The following POLB variants were observed in gnomAD, a reference collection of about 807,000 sequenced individuals.
The protein encoded by POLB is DNA polymerase beta.
POLB carries 37 observed loss-of-function variants against 52.7 expected under a neutral mutation model. The observed-to-expected ratio is 0.70, with a 90% CI of 0.54 to 0.92. POLB has a LOEUF of 0.92. Ranked by LOEUF, POLB falls within the 40% of genes least tolerant of loss-of-function variation. POLB has a pLI of 0.00. For synonymous variants in POLB, 138 were observed against 131.3 expected, an observed-to-expected ratio of 1.05 and a Z score of -0.35; for missense variants, 313 against 400.8, an observed-to-expected ratio of 0.78 and a Z score of 1.87.
chr8:42,362,726 T>A, intron 11 of POLB, 28 bp downstream of exon 11: 2 of 1,291,508 alleles, frequency 1.5e-6, no homozygotes, highest in Middle Eastern at 1.9e-4. Context: ...TTAGCACATC[T>A]AAAAAAAAAC....
At chr8:42,338,835 G>A in intron 1 of POLB, 150 bp downstream of exon 1, 2 of 990,168 alleles carry the variant, frequency 2.0e-6, no homozygotes, top group East Asian at 2.6e-5. Context: ...GGCGCCCCTG[G>A]CTGGTTGTCA....
intron 7 of POLB, among the ~76,000 whole-genome samples, chr8:42,355,926 G>A (rs1200133327): frequency 6.6e-6 from 1 of 152,136 alleles, no homozygotes; most frequent in African/African-American, 2.4e-5. Flanking sequence ...GAGGTTGAGT[G>A]TAGCTTTTAA....
intron 11 of POLB, among the ~76,000 whole-genome samples, chr8:42,365,811 G>A (rs1364803332): frequency 6.6e-6 from 1 of 152,102 alleles, no homozygotes; most frequent in African/African-American, 2.4e-5. Flanking sequence ...AGAATACAAG[G>A]TAAAAGGGCC....
rs149625213 is a variant in POLB at position 42,340,375 on chromosome 8, G to A, written c.119+1306G>A. 1.8e-4 allele frequency among the ~76,000 whole-genome samples: 27 copies of A among 152,264 alleles called. No homozygotes were observed. In the East Asian group the frequency reaches 4.0e-3, roughly 23 times the overall value. On this transcript the variant is annotated intron_variant, in intron 2 of 13. Transcript: ENST00000265421. ...GTTTCATGCACAAAATTATTAAAAC[G>A]ACTATATAAGATTACCTTCAGGGTA...
intron 6 of POLB, among the ~76,000 whole-genome samples, chr8:42,353,448 A>G (rs1267797388): frequency 2.0e-5 from 3 of 152,160 alleles, no homozygotes; most frequent in Non-Finnish European, 4.4e-5. Flanking sequence ...ATAAAATCTT[A>G]GATTAAAAGC....
chr8:42,354,653 C>T (rs1823188338), intron 6 of POLB: 2 of 387,398 alleles, frequency 5.2e-6, no homozygotes, highest in Non-Finnish European at 1.0e-5. Flanking sequence ...AAGTGATTCT[C>T]CTGCCTCAGC....
chr8:42,350,152 C>A, intron 5 of POLB, 87 bp downstream of exon 5: 1 of 877,472 alleles, frequency 1.1e-6, no homozygotes, highest in Non-Finnish European at 2.0e-6. Flanking sequence ...TTTCTCAAAA[C>A]CTGTACTTCA....
Position 42,338,662 on chromosome 8 carries a change from G to A in POLB, c.38G>A (p.Gly13Glu), listed in dbSNP as rs780407939. 2.5e-6 allele frequency: 4 copies of A among 1,614,194 alleles called. No homozygotes were observed. The South Asian group carries it at 4.4e-5, about 18-fold the overall frequency. ...KRKAPQETLN[G>E]GITDMLTELA... ...AAGGCGCCGCAGGAGACTCTCAACG[G>A]GGGAATCACCGACATGCTCACAGGT... The change falls in exon 1 of 14, where the codon GGG (glycine) becomes GAG (glutamate). Residue 13 changes from glycine to glutamate, a missense_variant. Transcript: ENST00000265421.
chr8:42,355,027 T>TG (rs1287100427), intron 6 of POLB, among the ~76,000 whole-genome samples: 1 of 151,948 alleles, frequency 6.6e-6, no homozygotes, highest in Non-Finnish European at 1.5e-5. Context: ...GGTGTGATTC[T>TG]GTTTTTTTTT....
rs574263385 is a variant in POLB at position 42,352,872 on chromosome 8, C to T, written c.370+304C>T. ...GGTGGATCACTTGAGGTCAGGGGTTCGAGACCAGTCTGGCCAACATGGTGA... is the reference window on the plus strand; with the variant it reads ...GGTGGATCACTTGAGGTCAGGGGTTTGAGACCAGTCTGGCCAACATGGTGA... On this transcript the variant is annotated intron_variant, in intron 6 of 13. Transcript: ENST00000265421. Among the ~76,000 whole-genome samples, 7 of 152,062 alleles carry T rather than the reference C, an allele frequency of 4.6e-5. 1 individual carries two copies. Among genetic ancestry groups the T allele is most frequent in the South Asian group, 4.1e-4 (2 of 4,824 alleles).
At chr8:42,365,049 T>C (rs887487590) in intron 11 of POLB, among the ~76,000 whole-genome samples, 7 of 151,756 alleles carry the variant, frequency 4.6e-5, no homozygotes, top group Admixed American at 6.6e-5. Context: ...ATCGCACTAC[T>C]GCACTCCAGC....
rs775041792 is a variant in POLB, at chr8:42,338,612, G to A, written c.-13G>A. The A allele has an allele frequency of 6.2e-7, 1 of 1,613,414 alleles. No individual in the cohort carries two copies. Among genetic ancestry groups the A allele is most frequent in the African/African-American group, 1.3e-5 (1 of 74,938 alleles). On this transcript the variant is annotated 5_prime_UTR_variant, in exon 1 of 14. Coordinates refer to ENST00000265421, the MANE Select transcript of POLB (RefSeq NM_002690.3). ...GGTTCTGAACACTCTGGGGTTCTCGGGTGCAGGCCGCCATGAGCAAACGGA... is the reference window on the plus strand; with the variant it reads ...GGTTCTGAACACTCTGGGGTTCTCGAGTGCAGGCCGCCATGAGCAAACGGA...
At chr8:42,361,077 A>G (rs780283299) in intron 9 of POLB, 20 of 682,158 alleles carry the variant, frequency 2.9e-5, no homozygotes, top group South Asian at 2.0e-4. Flanking sequence ...TCTAATGCCA[A>G]TTACTGTTGT....
At chr8:42,363,415 C>T (rs186779270) in intron 11 of POLB, among the ~76,000 whole-genome samples, 24 of 149,294 alleles carry the variant, frequency 1.6e-4, no homozygotes, top group Admixed American at 1.6e-3. Context: ...GTAGTCCCAG[C>T]TTTTCGGGAG....
At chr8:42,342,011 T>C in intron 2 of POLB, 2 of 766,340 alleles carry the variant, frequency 2.6e-6, no homozygotes, top group South Asian at 2.7e-5. Context: ...ATCTTTATCT[T>C]CCATTAAGTA....
intron 9 of POLB, chr8:42,360,967 T>G: frequency 2.5e-6 from 1 of 405,262 alleles, no homozygotes; most frequent in South Asian, 2.0e-5. Flanking sequence ...TTCATAGGTG[T>G]ATTTTAAAGC....
At chr8:42,338,746 T>G in intron 1 of POLB, 61 bp downstream of exon 1, 1 of 1,499,466 alleles carries the variant, frequency 6.7e-7, no homozygotes, top group Non-Finnish European at 9.3e-7. Flanking sequence ...TCCCCTGCCT[T>G]CCTTCTCTCC....
intron 2 of POLB, chr8:42,342,599 G>A: frequency 1.4e-6 from 1 of 700,182 alleles, no homozygotes; most frequent in Non-Finnish European, 2.6e-6. Context: ...ATCTCTTAAA[G>A]TAGGCCTTAT....
At chr8:42,365,841 T>A (rs1016372021) in intron 11 of POLB, among the ~76,000 whole-genome samples, 3 of 152,202 alleles carry the variant, frequency 2.0e-5, no homozygotes, top group Non-Finnish European at 2.9e-5. Context: ...GGCTCACGCC[T>A]GTAATCCCAG....
Sources: allele counts gnomAD v4.1 joint callset (sites outside exome capture counted in the v4.1 genomes callset), GRCh38; gene constraint gnomAD v4.1.1; transcripts MANE v1.5; gene names NCBI Gene and HGNC (gene_info 2026-07-23, HGNC 2026-07-21).